Variants in SCML4 observed in about 807,000 individuals in gnomAD.
SCML4 encodes sex comb on midleg-like protein 4.
A neutral mutation model predicts 41.1 loss-of-function variants in SCML4; 34 were observed. The observed-to-expected ratio is 0.83, with a 90% CI of 0.63 to 1.10. The LOEUF is 1.10. SCML4 is among the 50% of genes least tolerant of loss of function. SCML4 has a pLI of 0.00. For synonymous variants in SCML4, 214 were observed against 220.9 expected (o/e 0.97, Z 0.28); for missense variants, 522 against 534.1 (o/e 0.98, Z 0.22).
chr6:107,755,687 C>G (rs760275497), intron 2 of SCML4: 7 of 1,000,710 alleles, frequency 7.0e-6, no homozygotes, highest in African/African-American at 3.4e-5. Context: ...AAAAAGCTGT[C>G]TATTTTGTTT....
intron 1 of SCML4, among the ~76,000 whole-genome samples, chr6:107,795,816 C>T (rs192688701): frequency 5.3e-4 from 80 of 152,272 alleles, no homozygotes; most frequent in African/African-American, 1.7e-3. Context: ...CTGGAGCCAC[C>T]GCGCCCAGCC....
chr6:107,765,864 G>C (rs1228413244), intron 2 of SCML4, among the ~76,000 whole-genome samples: 1 of 152,158 alleles, frequency 6.6e-6, no homozygotes, highest in African/African-American at 2.4e-5. Flanking sequence ...GAGCTGTGTT[G>C]ATTTATAGAT....
In SCML4 at chr6:107,773,571, G is replaced by A. The variant is rs903927076; in HGVS notation, c.-59-1185C>T. Reference sequence around the variant, plus strand: ...CGCACCACTACATACAAGCCTGGGTGACAGAGCAAGACTGTCTCAAAAAAA... The same window carrying A: ...CGCACCACTACATACAAGCCTGGGTAACAGAGCAAGACTGTCTCAAAAAAA... On this transcript the variant is annotated intron_variant, in intron 1 of 7. Transcript: ENST00000369020. Among the ~76,000 whole-genome samples, 5 of 125,790 alleles carry A rather than the reference G, an allele frequency of 4.0e-5. No individual in the cohort carries two copies. In the Admixed American group the frequency reaches 4.6e-4, roughly 12 times the overall value. The allele number at this position is 125,790 out of a possible 152,430, so 82.5% of individuals were successfully genotyped here.
intron 1 of SCML4, among the ~76,000 whole-genome samples, chr6:107,784,458 T>C (rs1365922261): frequency 6.6e-6 from 1 of 152,218 alleles, no homozygotes; most frequent in East Asian, 1.9e-4. Flanking sequence ...GTAAAGAAGA[T>C]GCATGTAAGC....
intron 1 of SCML4, among the ~76,000 whole-genome samples, chr6:107,797,667 C>T (rs899638432): frequency 6.6e-6 from 1 of 151,890 alleles, no homozygotes; most frequent in Admixed American, 6.6e-5. Context: ...CAGGATAATG[C>T]TGCATATAAG....
intron 5 of SCML4, among the ~76,000 whole-genome samples, chr6:107,729,684 T>C (rs1274278888): frequency 6.6e-6 from 1 of 152,234 alleles, no homozygotes; most frequent in African/African-American, 2.4e-5. Context: ...AGCTGACTAA[T>C]GGCTAAGATT....
At chr6:107,728,723 T>G (rs1039753012) in intron 5 of SCML4, among the ~76,000 whole-genome samples, 2 of 152,072 alleles carry the variant, frequency 1.3e-5, no homozygotes, top group Non-Finnish European at 2.9e-5. Flanking sequence ...GAAGGGAAAA[T>G]AGGCTTCGGA....
At chr6:107,845,446 C>T in the SCML4 span, among the ~76,000 whole-genome samples, 2 of 152,324 alleles carry the variant, frequency 1.3e-5, no homozygotes, top group East Asian at 1.9e-4. Context: ...TCACCTTGGC[C>T]TTAGCAGCTA....
At chr6:107,726,188 G>A (rs1410831984) in intron 5 of SCML4, among the ~76,000 whole-genome samples, 1 of 151,792 alleles carries the variant, frequency 6.6e-6, no homozygotes, top group Non-Finnish European at 1.5e-5. Flanking sequence ...TCTTGTAAAA[G>A]GGGCTAGACT....
Position 107,802,687 on chromosome 6 carries a change from TCCCC to T in SCML4, c.-60+21435_-60+21438del, listed in dbSNP as rs1783273421. 6.2e-3 allele frequency among the ~76,000 whole-genome samples: 3 copies of T among 484 alleles called. No individual in the cohort carries two copies. In the South Asian group the frequency reaches 0.17, roughly 27 times the overall value. 0.3% of individuals were successfully genotyped at this position (484 alleles called of 152,430 possible). ...TCCCTCTCCCTCCTCTCCCTCTCCC[TCCCC>T]CTCCTCTCCCTCTCCCTCCTCTCCC... On this transcript the variant is annotated intron_variant, in intron 1 of 7. Transcript: ENST00000369020.
chr6:107,836,920 C>T, the SCML4 span, among the ~76,000 whole-genome samples: 4 of 152,212 alleles, frequency 2.6e-5, no homozygotes, highest in African/African-American at 4.8e-5. Context: ...CATACTCCTC[C>T]TTTCTCAGCT....
At chr6:107,844,255 G>A in the SCML4 span, among the ~76,000 whole-genome samples, 2 of 152,222 alleles carry the variant, frequency 1.3e-5, no homozygotes, top group Non-Finnish European at 2.9e-5. Context: ...TTGTTGTGGA[G>A]GGAGAGTGCC....
intron 1 of SCML4, among the ~76,000 whole-genome samples, chr6:107,814,458 T>A (rs1784420261): frequency 6.6e-6 from 1 of 152,264 alleles, no homozygotes; most frequent in Admixed American, 6.5e-5. Context: ...GCTGTGTGGA[T>A]ACCCACAATG....
chr6:107,717,030 TGGC>T (rs904496232), intron 6 of SCML4, among the ~76,000 whole-genome samples: 1 of 149,864 alleles, frequency 6.7e-6, no homozygotes, highest in African/African-American at 2.5e-5. Context: ...CTGGGCGGGG[TGGC>T]TCACGCCTGT....
chr6:107,720,505 G>C, intron 6 of SCML4, 198 bp downstream of exon 6: 1 of 1,365,474 alleles, frequency 7.3e-7, no homozygotes, highest in Non-Finnish European at 9.4e-7. Context: ...CCTAATACAC[G>C]ATTTTCTTTG....
At chr6:107,839,907 A>G in the SCML4 span, among the ~76,000 whole-genome samples, 14,754 of 152,138 alleles carry the variant, frequency 0.097, 897 homozygotes, top group South Asian at 0.29. Flanking sequence ...GACTTTTTAA[A>G]TATCTAAGTT....
intron 5 of SCML4, 60 bp downstream of exon 5, chr6:107,744,889 G>T: frequency 1.4e-6 from 2 of 1,388,962 alleles, no homozygotes; most frequent in Non-Finnish European, 2.0e-6. Flanking sequence ...TAGTGGAAGG[G>T]CAGAGACACC....
intron 6 of SCML4, chr6:107,720,121 A>G (rs186375528): frequency 1.5e-5 from 15 of 984,762 alleles, no homozygotes; most frequent in Middle Eastern, 5.2e-4. Context: ...GCAAGAGACA[A>G]TTCTTTACCA....
chr6:107,755,926 G>C (rs1208018783), intron 2 of SCML4, among the ~76,000 whole-genome samples: 2 of 152,260 alleles, frequency 1.3e-5, no homozygotes, highest in East Asian at 3.9e-4. Context: ...CCAACTGAAA[G>C]AGCTCCCAGT....
Sources: allele counts gnomAD v4.1 joint callset (sites outside exome capture counted in the v4.1 genomes callset), GRCh38; gene constraint gnomAD v4.1.1; transcripts MANE v1.5; gene names NCBI Gene and HGNC (gene_info 2026-07-23, HGNC 2026-07-21).